Variants in PICALM observed in about 807,000 individuals in gnomAD.
The protein encoded by PICALM is phosphatidylinositol-binding clathrin assembly protein.
Under a neutral mutation model 80.5 loss-of-function variants are expected in PICALM, and 40 were observed. The ratio of observed to expected loss-of-function variants is 0.50; its 90% CI spans 0.39 to 0.65. The LOEUF (loss-of-function observed/expected upper bound fraction) is 0.65, where lower values mean the gene tolerates loss of function less well. PICALM is among the 30% of genes least tolerant of loss of function. The probability of loss-of-function intolerance (pLI) is 0.00; values close to 1 mark genes in which losing one functional copy is unlikely to be tolerated. For missense variants in PICALM, 676 were observed against 778.9 expected, an observed-to-expected ratio of 0.87 and a Z score of 1.57; for synonymous variants, 288 against 260.3, an observed-to-expected ratio of 1.11 and a Z score of -1.02.
chr11:86,053,289 G>C (rs1219451885), intron 1 of PICALM, among the ~76,000 whole-genome samples: 1 of 152,142 alleles, frequency 6.6e-6, no homozygotes, highest in African/African-American at 2.4e-5. Context: ...CCAATCACAA[G>C]CGGCAAGCTG....
chr11:86,036,619 C>A (rs1008714024), intron 1 of PICALM, among the ~76,000 whole-genome samples: 3 of 152,078 alleles, frequency 2.0e-5, no homozygotes, highest in Non-Finnish European at 1.5e-5. Context: ...GGACCTAATT[C>A]ATAATTTAAG....
rs756823045 is a variant in PICALM, at chr11:86,022,473, T to TA, written c.350-5dup. 4.4e-5 allele frequency: 62 copies of TA among 1,419,532 alleles called. No homozygotes were observed. The highest frequency in any genetic ancestry group is 5.5e-5 in the South Asian group (4 of 72,400). The allele number at this position is 1,419,532 out of a possible 1,614,324, so 87.9% of individuals were successfully genotyped here. A position where few individuals can be genotyped will look rare whatever the true frequency, so the allele number is the denominator to read the frequency against. On this transcript the variant is annotated splice_region_variant and splice_polypyrimidine_tract_variant and intron_variant, in intron 3 of 19. Coordinates refer to ENST00000393346, the MANE Select transcript of PICALM (RefSeq NM_007166.4). ...ATAAATGTAGACATGTCATATCCTG[T>TA]AAAAAAACAAAAACAAAAACAAAAC...
intron 14 of PICALM, 36 bp from the exon 15 acceptor site, chr11:85,982,039 G>C (rs766533048): frequency 1.3e-6 from 2 of 1,599,702 alleles, no homozygotes; most frequent in Non-Finnish European, 1.7e-6. Flanking sequence ...GAATTTGTAA[G>C]GAACTTTATG....
intron 1 of PICALM, among the ~76,000 whole-genome samples, chr11:86,064,891 T>C (rs1320292704): frequency 2.0e-5 from 3 of 151,746 alleles, no homozygotes; most frequent in Admixed American, 6.6e-5. Context: ...CTGGGCCACA[T>C]AGGGAGACCC....
chr11:86,045,392 C>T (rs1244291818), intron 1 of PICALM, among the ~76,000 whole-genome samples: 1 of 151,822 alleles, frequency 6.6e-6, no homozygotes, highest in Admixed American at 6.6e-5. Flanking sequence ...GTCCCAGCCA[C>T]TCAGGAGGTT....
intron 14 of PICALM, 100 bp downstream of exon 14, chr11:85,983,766 G>A (rs2094506159): frequency 1.9e-6 from 1 of 539,782 alleles, no homozygotes; most frequent in Non-Finnish European, 3.2e-6. Flanking sequence ...GGCTACCCCA[G>A]TTTAATATAT....
In PICALM at chr11:85,990,283, T is replaced by C. The variant is rs776901005; in HGVS notation, c.1375A>G (p.Thr459Ala). The change falls in exon 13 of 20, where the codon ACT becomes GCT. Residue 459 changes from threonine (T) to alanine (A), a missense_variant. Thr to Ala is a moderately conservative substitution (Grantham distance 58, BLOSUM62 0). This residue lies in a region of PICALM where 391 missense variants were observed against 383.6 expected (regional missense o/e 1.02). Coordinates refer to ENST00000393346, the MANE Select transcript of PICALM (RefSeq NM_007166.4). The stretch of plus-strand genomic sequence containing the variant: ...ATTTCATGAGTAGGTGTCCTAGTAG[T>C]AAAAGTAGATACATCTGAAGAAATG... ...LSISSDVSTF[T>A]TRTPTHEMFV... 1.9e-6 allele frequency: 3 copies of C among 1,606,110 alleles called. No individual in the cohort carries two copies. The Admixed American group carries it at 5.0e-5, about 27-fold the overall frequency.
At chr11:86,041,445 G>A (rs2095965579) in intron 1 of PICALM, among the ~76,000 whole-genome samples, 1 of 152,128 alleles carries the variant, frequency 6.6e-6, no homozygotes, top group Non-Finnish European at 1.5e-5. Context: ...GAACACAGAA[G>A]AGATTTTTTA....
At position 86,067,415 on chromosome 11, in the gene PICALM, C is replaced by T. The variant is rs570293601; in HGVS notation, c.130+1236G>A. Among the ~76,000 whole-genome samples the T allele has an allele frequency of 2.0e-5, 3 of 152,290 alleles. No homozygotes were observed. In the East Asian group the frequency reaches 5.8e-4, roughly 29 times the overall value. On this transcript the variant is annotated intron_variant, in intron 1 of 19. Coordinates refer to ENST00000393346, the MANE Select transcript of PICALM (RefSeq NM_007166.4). ...AAGTTTCAGGTCTAAGCTCCATTGG[C>T]TTGAGTGATCCAATGAGCTTTGTAC...
chr11:86,021,713 A>T (rs186465623), intron 4 of PICALM, among the ~76,000 whole-genome samples: 5 of 152,312 alleles, frequency 3.3e-5, no homozygotes, highest in Admixed American at 3.3e-4. Flanking sequence ...TAAAAAGATA[A>T]TCCACATAAA....
Position 85,958,617 on chromosome 11 carries a change from T to C in PICALM, c.*429A>G, listed in dbSNP as rs2093589361. ...TGAGGACTGGAGAAAAGAAAGATAA[T>C]GCATAATTAGGAATTTTAATTTTGA... On this transcript the variant is annotated 3_prime_UTR_variant, in exon 20 of 20. Coordinates refer to ENST00000393346, the MANE Select transcript of PICALM (RefSeq NM_007166.4). 4.3e-6 allele frequency: 1 copy of C among 230,328 alleles called. No individual in the cohort carries two copies. The highest frequency in any genetic ancestry group is 8.6e-6 in the Non-Finnish European group (1 of 116,758). The allele number at this position is 230,328 out of a possible 1,614,324, so 14.3% of individuals were successfully genotyped here.
chr11:85,981,621 AAG>A, intron 16 of PICALM, 122 bp downstream of exon 16: 1 of 717,266 alleles, frequency 1.4e-6, no homozygotes, highest in Non-Finnish European at 2.4e-6. Context: ...AAAAAAAAAA[AAG>A]ATGCAGACTT....
chr11:85,966,014 A>C (rs538917434), intron 19 of PICALM, among the ~76,000 whole-genome samples: 27 of 151,630 alleles, frequency 1.8e-4, no homozygotes, highest in Admixed American at 1.6e-3. Flanking sequence ...ACAGGGTTTC[A>C]CCATGTTGGT....
intron 1 of PICALM, among the ~76,000 whole-genome samples, 193 bp downstream of exon 1, chr11:86,068,458 G>A (rs564544347): frequency 2.8e-4 from 43 of 152,222 alleles, no homozygotes; most frequent in African/African-American, 1.0e-3. Flanking sequence ...ATTTTGAGAC[G>A]GGGAGCGGAG....
chr11:86,003,513 G>T, intron 8 of PICALM, 62 bp from the exon 9 acceptor site: 9 of 1,038,304 alleles, frequency 8.7e-6, no homozygotes, highest in Non-Finnish European at 1.3e-5. Flanking sequence ...ATTAAATCAA[G>T]TATCATCTAA....
At chr11:85,992,000 C>A (rs929627185) in intron 12 of PICALM, among the ~76,000 whole-genome samples, 2 of 152,106 alleles carry the variant, frequency 1.3e-5, no homozygotes, top group Non-Finnish European at 2.9e-5. Context: ...AGACTACAGG[C>A]ATGTGCCACC....
chr11:86,058,372 C>A (rs181419720), intron 1 of PICALM, among the ~76,000 whole-genome samples: 1 of 152,278 alleles, frequency 6.6e-6, no homozygotes, highest in East Asian at 1.9e-4. Flanking sequence ...AGTATATCTG[C>A]AATCTTTAGT....
At chr11:85,988,613 G>T (rs940406469) in intron 13 of PICALM, among the ~76,000 whole-genome samples, 1 of 151,964 alleles carries the variant, frequency 6.6e-6, no homozygotes, top group Non-Finnish European at 1.5e-5. Context: ...GAGAAAAAGA[G>T]GGGAAGGGGA....
chr11:86,016,462 C>T (rs776668663), intron 4 of PICALM, among the ~76,000 whole-genome samples: 4 of 152,220 alleles, frequency 2.6e-5, no homozygotes, highest in Non-Finnish European at 4.4e-5. Context: ...CCACATTGAT[C>T]CTTTCTCATT....
Sources: gnomAD v4.1 joint callset for allele counts (sites outside exome capture counted in the v4.1 genomes callset) on GRCh38, gnomAD v4.1.1 for gene constraint, gnomAD v4.1.1 regional missense constraint, MANE v1.5 for transcripts, NCBI Gene and HGNC (gene_info 2026-07-23, HGNC 2026-07-21) for gene names.